The following PHC3 variants were observed in gnomAD, a reference collection of about 807,000 sequenced individuals.
PHC3 encodes polyhomeotic homolog 3.
A neutral mutation model predicts 107.4 loss-of-function variants in PHC3; 13 were observed. The observed-to-expected ratio is 0.12, with a 90% CI of 0.08 to 0.19. The LOEUF is 0.19. Ranked by LOEUF, PHC3 falls within the 10% of genes least tolerant of loss-of-function variation. The pLI, the probability that PHC3 is intolerant of heterozygous loss-of-function variation, is 1.00. For synonymous variants in PHC3, 456 were observed against 427.4 expected (o/e 1.07, Z -0.83); for missense variants, 992 against 1,210.9 (o/e 0.82, Z 2.68).
intron 11 of PHC3, among the ~76,000 whole-genome samples, chr3:170,109,353 C>T (rs1292430019): frequency 1.3e-5 from 2 of 152,082 alleles, no homozygotes; most frequent in Admixed American, 6.6e-5. Context: ...GTGCTCTTTC[C>T]CCCATCTCAT....
In PHC3 at chr3:170,165,627, G is replaced by A. The variant is rs191204781; in HGVS notation, c.414+5746C>T. Among the ~76,000 whole-genome samples the A allele has an allele frequency of 1.3e-3, 197 of 151,692 alleles. 2 individuals are homozygous for A. Among genetic ancestry groups the A allele is most frequent in the Middle Eastern group, 6.8e-3 (2 of 294 alleles). On this transcript the variant is annotated intron_variant, in intron 4 of 14. Coordinates refer to ENST00000495893, the MANE Select transcript of PHC3 (RefSeq NM_024947.4). ...AAATTAGCCGGGCATGGTGGTAAAC[G>A]CCTGTAATTCCAGCTACTTGGGAGG...
At chr3:170,169,758 A>G (rs1729298775) in intron 4 of PHC3, 1 of 152,180 alleles carries the variant, frequency 6.6e-6, no homozygotes, top group Non-Finnish European at 1.5e-5. Context: ...TGAAGGAAAA[A>G]AATTCAAAAT....
chr3:170,119,493 T>C (rs1170654249), intron 9 of PHC3, among the ~76,000 whole-genome samples: 1 of 152,210 alleles, frequency 6.6e-6, no homozygotes, highest in Admixed American at 6.5e-5. Flanking sequence ...TATAAATTAC[T>C]AACTTTTTGA....
intron 4 of PHC3, among the ~76,000 whole-genome samples, chr3:170,162,999 C>T (rs1433951948): frequency 6.6e-6 from 1 of 152,030 alleles, no homozygotes; most frequent in Non-Finnish European, 1.5e-5. Flanking sequence ...TTTTTTATTT[C>T]CTTGCTTTAT....
At position 170,117,382 on chromosome 3, in the gene PHC3, C is replaced by T. The variant is rs777549656; in HGVS notation, c.2037G>A (p.Leu679=). Residue 679 remains leucine, a synonymous_variant, in exon 10 of 15, where the codon TTG becomes TTA. Transcript: ENST00000495893. ...TCCTTGTGGTGGCAGCTGGAAGTAA[C>T]AATGGAGGTGGTGGAACAGAAACAT... is the stretch of plus-strand genomic sequence containing the variant. ...PSHVSVPPPP[L]LLPAATTRSN... The T allele has an allele frequency of 2.5e-6, 4 of 1,613,688 alleles. No individual in the cohort carries two copies. Among genetic ancestry groups the T allele is most frequent in the Middle Eastern group, 1.6e-4 (1 of 6,062 alleles).
At position 170,172,586 on chromosome 3, in the gene PHC3, A is replaced by G. The variant is rs1284973040; in HGVS notation, c.307T>C (p.Ser103Pro). 1.9e-6 allele frequency: 3 copies of G among 1,613,366 alleles called. No individual in the cohort carries two copies. The highest frequency in any genetic ancestry group is 2.5e-6 in the Non-Finnish European group (3 of 1,179,798). Residue 103 changes from serine (S) to proline (P), a missense_variant, in exon 3 of 15, where the codon TCC becomes CCC. Ser to Pro is a moderately conservative substitution (Grantham distance 74). Coordinates refer to ENST00000495893, the MANE Select transcript of PHC3 (RefSeq NM_024947.4). ...AALQQQHLSS[S>P]QLQSLAAVQA... Reference sequence around the variant, plus strand: ...ACAGCAGCAAGGCTCTGAAGCTGGGAGCTGCTTAAATGCTGCTGCTGAAGA... The same window carrying G: ...ACAGCAGCAAGGCTCTGAAGCTGGGGGCTGCTTAAATGCTGCTGCTGAAGA...
intron 9 of PHC3, among the ~76,000 whole-genome samples, chr3:170,119,660 C>T (rs189978378): frequency 2.0e-5 from 3 of 152,238 alleles, no homozygotes; most frequent in Admixed American, 6.5e-5. Context: ...TGCCACAAAT[C>T]TGTCTATTCT....
At chr3:170,163,883 A>AAAAAAAGGCAGGCAGGCAGGCAGGC (rs1560119144) in intron 4 of PHC3, among the ~76,000 whole-genome samples, 2 of 141,436 alleles carry the variant, frequency 1.4e-5, no homozygotes, top group African/African-American at 5.4e-5. Context: ...AAAAAAAAAA[A>AAAAAAAGGCAGGCAGGCAGGCAGGC]AGGCAGGCAG....
chr3:170,155,448 T>C (rs1048886285), intron 4 of PHC3, among the ~76,000 whole-genome samples: 6 of 152,152 alleles, frequency 3.9e-5, no homozygotes, highest in Admixed American at 6.5e-5. Context: ...TGGCCAGGCA[T>C]AGTGGCTCAT....
intron 4 of PHC3, chr3:170,149,955 T>C (rs905163899): frequency 3.9e-5 from 6 of 152,218 alleles, no homozygotes; most frequent in Non-Finnish European, 7.3e-5. Flanking sequence ...TTAGTTTTAA[T>C]AGGGGATTTT....
intron 7 of PHC3, among the ~76,000 whole-genome samples, chr3:170,130,522 G>A (rs1577086268): frequency 6.6e-6 from 1 of 152,048 alleles, no homozygotes; most frequent in African/African-American, 2.4e-5. Flanking sequence ...CAAATTTAGG[G>A]GCCATTCCAA....
intron 9 of PHC3, among the ~76,000 whole-genome samples, chr3:170,119,552 AAC>A (rs1323519709): frequency 1.3e-5 from 2 of 152,182 alleles, no homozygotes; most frequent in African/African-American, 4.8e-5. Context: ...AAACATGAGA[AAC>A]ACTCATGTAT....
chr3:170,159,448 A>T (rs1011950039), intron 4 of PHC3, among the ~76,000 whole-genome samples: 2 of 152,146 alleles, frequency 1.3e-5, no homozygotes, highest in East Asian at 1.9e-4. Context: ...AGTTAAGGAA[A>T]TATCCCACAC....
rs1452151152 is a variant in PHC3 at position 170,172,687 on chromosome 3, G to C, written c.206C>G (p.Pro69Arg). The C allele has an allele frequency of 1.2e-6, 2 of 1,609,016 alleles. No individual in the cohort carries two copies. Among genetic ancestry groups the C allele is most frequent in the Admixed American group, 3.4e-5 (2 of 59,646 alleles). Residue 69 changes from proline (P) to arginine (R), a missense_variant, in exon 3 of 15, where the codon CCC (proline) becomes CGC (arginine). Pro to Arg is a moderately radical substitution (Grantham distance 103). This residue lies in a region of PHC3 where 161 missense variants were observed against 183.7 expected (regional missense o/e 0.88). Transcript: ENST00000495893. Reference protein sequence around the residue: ...VQVIQQALHRPPSSAAQYLQQ... With the variant: ...VQVIQQALHRRPSSAAQYLQQ... ...AAGGTACTGAGCAGCTGAGCTGGGG[G>C]GCCGATGCAATGCCTGTTGAATTAC...
At chr3:170,174,919 T>C (rs1216710768) in intron 2 of PHC3, among the ~76,000 whole-genome samples, 1 of 152,214 alleles carries the variant, frequency 6.6e-6, no homozygotes, top group African/African-American at 2.4e-5. Flanking sequence ...CTAAAAGCAC[T>C]GGACTGTATA....
rs544332569 is a variant in PHC3, at chr3:170,106,630, C to G, written c.2468+202G>C. 1.2e-4 allele frequency among the ~76,000 whole-genome samples: 19 copies of G among 152,192 alleles called. No individual in the cohort carries two copies. The South Asian group carries it at 3.9e-3, about 32-fold the overall frequency. On this transcript the variant is annotated intron_variant, in intron 12 of 14. Coordinates refer to ENST00000495893, the MANE Select transcript of PHC3 (RefSeq NM_024947.4). ...TTATGAATATGTAATTTTCGCAAAG[C>G]AAAATCTAGTAACTAAATACTAGGT...
chr3:170,164,350 T>C (rs1728401469), intron 4 of PHC3, among the ~76,000 whole-genome samples: 1 of 152,180 alleles, frequency 6.6e-6, no homozygotes, highest in Non-Finnish European at 1.5e-5. Flanking sequence ...CAATTTTATT[T>C]AGACAATATA....
chr3:170,140,146 C>T (rs1347672116), intron 6 of PHC3, among the ~76,000 whole-genome samples: 1 of 150,440 alleles, frequency 6.6e-6, no homozygotes, highest in Non-Finnish European at 1.5e-5. Flanking sequence ...CTTTTAAATC[C>T]AAAGGGTTGT....
At chr3:170,171,352 A>T (rs752355528) in intron 4 of PHC3, 21 bp downstream of exon 4, 2 of 1,541,640 alleles carry the variant, frequency 1.3e-6, no homozygotes, top group South Asian at 2.5e-5. Flanking sequence ...AATCCAGGAA[A>T]AAAAAATTTA....
Sources: gnomAD v4.1 joint callset for allele counts (sites outside exome capture counted in the v4.1 genomes callset) on GRCh38, gnomAD v4.1.1 for gene constraint, gnomAD v4.1.1 regional missense constraint, MANE v1.5 for transcripts, NCBI Gene and HGNC (gene_info 2026-07-23, HGNC 2026-07-21) for gene names.